Variants in ZYG11B observed in about 807,000 individuals in gnomAD.
The protein encoded by ZYG11B is protein zyg-11 homolog B.
ZYG11B carries 36 observed loss-of-function variants against 82.4 expected under a neutral mutation model. That is an observed-to-expected ratio of 0.44 (90% CI 0.33 to 0.58). ZYG11B has a LOEUF of 0.58. Among genes scored for constraint, ZYG11B ranks in the 20% least tolerant of loss-of-function variants. The pLI, the probability that ZYG11B is intolerant of heterozygous loss-of-function variation, is 0.02. For synonymous variants in ZYG11B, 303 were observed against 312.8 expected, an observed-to-expected ratio of 0.97 and a Z score of 0.33; for missense variants, 552 against 895.6, an observed-to-expected ratio of 0.62 and a Z score of 4.90.
rs1553257981 is a variant in ZYG11B, at chr1:52,745,868, T to TTTTTTG, written c.31-10586_31-10585insTGTTTT. 2.1e-5 allele frequency among the ~76,000 whole-genome samples: 3 copies of TTTTTTG among 142,178 alleles called. No individual in the cohort carries two copies. The East Asian group carries it at 6.4e-4, about 30-fold the overall frequency. 93.3% of individuals were successfully genotyped at this position (142,178 alleles called of 152,430 possible). A position where few individuals can be genotyped will look rare whatever the true frequency, so the allele number is the denominator to read the frequency against. On this transcript the variant is annotated intron_variant, in intron 1 of 13. Coordinates refer to ENST00000294353, the MANE Select transcript of ZYG11B (RefSeq NM_024646.3). The stretch of plus-strand genomic sequence containing the variant: ...TGTGAGCCACTGCATCCAGCTGTTT[T>TTTTTTG]TTTTGTTTTGTTTTGTTTTGACGGA...
In ZYG11B at chr1:52,771,861, A is replaced by G. The variant is rs1644754669; in HGVS notation, c.951+87A>G. On this transcript the variant is annotated intron_variant, in intron 3 of 13. Coordinates refer to ENST00000294353, the MANE Select transcript of ZYG11B (RefSeq NM_024646.3). The surrounding 1 kb of genome is among the most constrained non-coding windows in gnomAD (Gnocchi z 5.4). ...TATTAAAGATGAATGTCTGTAATAT[A>G]TGGAACATGTTCATGAAACAGGGCT... 5 of 1,436,858 alleles carry G rather than the reference A, an allele frequency of 3.5e-6. No individual in the cohort carries two copies. Among genetic ancestry groups the G allele is most frequent in the Non-Finnish European group, 3.8e-6 (4 of 1,062,890 alleles). 89.0% of individuals were successfully genotyped at this position (1,436,858 alleles called of 1,614,324 possible). A position where few individuals can be genotyped will look rare whatever the true frequency, so the allele number is the denominator to read the frequency against.
At position 52,796,361 on chromosome 1, in the gene ZYG11B, A is replaced by C; in HGVS notation, c.1404A>C (p.Ala468=). The C allele has an allele frequency of 6.2e-7, 1 of 1,613,946 alleles. No individual in the cohort carries two copies. Among genetic ancestry groups the C allele is most frequent in the South Asian group, 1.1e-5 (1 of 91,040 alleles). Residue 468 remains alanine, a synonymous_variant, in exon 7 of 14, where the codon GCA becomes GCC. Coordinates refer to ENST00000294353, the MANE Select transcript of ZYG11B (RefSeq NM_024646.3). ...AGGATCAAAACATGCAAAGGATGGC[A>C]GTTGCTATCATTTCTATCCTGGCTG... ...NHEDQNMQRM[A]VAIISILAAK... is the part of the protein sequence containing the mutation.
At chr1:52,735,996 T>C (rs1644375933) in intron 1 of ZYG11B, among the ~76,000 whole-genome samples, 1 of 152,206 alleles carries the variant, frequency 6.6e-6, no homozygotes, top group African/African-American at 2.4e-5. Flanking sequence ...GTCTAACATC[T>C]ATTATGCATT....
At chr1:52,804,530 T>A (rs1448059348) in intron 10 of ZYG11B, among the ~76,000 whole-genome samples, 1 of 151,960 alleles carries the variant, frequency 6.6e-6, no homozygotes, top group East Asian at 1.9e-4. Flanking sequence ...TGAGAATCGC[T>A]TGAACCTGGG....
At chr1:52,769,903 ATGT>A (rs1343744286) in intron 2 of ZYG11B, among the ~76,000 whole-genome samples, 2 of 151,990 alleles carry the variant, frequency 1.3e-5, no homozygotes, top group Non-Finnish European at 2.9e-5. Context: ...TTCACAGTCA[ATGT>A]TGTTTAGTTG....
intron 4 of ZYG11B, among the ~76,000 whole-genome samples, chr1:52,783,049 C>T (rs944396844): frequency 3.9e-5 from 6 of 151,956 alleles, no homozygotes; most frequent in Non-Finnish European, 8.8e-5. Flanking sequence ...GCCTCAGCCT[C>T]CCGAGTAGCT....
At chr1:52,813,822 A>G (rs745442714) in intron 11 of ZYG11B, 38 bp from the exon 12 acceptor site, 3 of 1,613,888 alleles carry the variant, frequency 1.9e-6, no homozygotes, top group Non-Finnish European at 2.5e-6. Flanking sequence ...TGCTAAATAA[A>G]TATTGTAATC....
chr1:52,752,132 G>A (rs1644531529), intron 1 of ZYG11B, among the ~76,000 whole-genome samples: 1 of 152,104 alleles, frequency 6.6e-6, no homozygotes, highest in Non-Finnish European at 1.5e-5. Context: ...TCAGGTAGTA[G>A]GTCTCTGGAT....
chr1:52,820,770 G>A (rs553866), intron 13 of ZYG11B, among the ~76,000 whole-genome samples: 75 of 143,820 alleles, frequency 5.2e-4, no homozygotes, highest in African/African-American at 1.8e-3. Flanking sequence ...TTTAAAAATT[G>A]TATGTGCAGT....
chr1:52,747,400 T>C (rs1376564433), intron 1 of ZYG11B, among the ~76,000 whole-genome samples: 1 of 152,102 alleles, frequency 6.6e-6, no homozygotes, highest in Non-Finnish European at 1.5e-5. Context: ...TCCCAAGTTG[T>C]ATTTTGGCAT....
intron 6 of ZYG11B, among the ~76,000 whole-genome samples, chr1:52,792,374 T>C (rs1052258397): frequency 1.3e-5 from 2 of 152,206 alleles, no homozygotes; most frequent in African/African-American, 2.4e-5. Context: ...GTTATGGCAC[T>C]TGAGATAAAA....
At chr1:52,814,706 C>CACAA (rs1645209588) in intron 12 of ZYG11B, among the ~76,000 whole-genome samples, 1 of 43,424 alleles carries the variant, frequency 2.3e-5, no homozygotes, top group South Asian at 5.6e-4. Context: ...AATGTAAATA[C>CACAA]ACACACACAC....
chr1:52,818,711 G>T (rs1344247656), intron 13 of ZYG11B, among the ~76,000 whole-genome samples: 1 of 151,796 alleles, frequency 6.6e-6, no homozygotes, highest in Non-Finnish European at 1.5e-5. Flanking sequence ...TACTATAAAG[G>T]GCCTTATATA....
At chr1:52,818,040 T>A (rs1645250700) in intron 13 of ZYG11B, among the ~76,000 whole-genome samples, 1 of 148,996 alleles carries the variant, frequency 6.7e-6, no homozygotes, top group South Asian at 2.1e-4. Context: ...GTTTCACCAT[T>A]TTGGCTGGGC....
intron 1 of ZYG11B, among the ~76,000 whole-genome samples, chr1:52,741,313 A>AG (rs1644428631): frequency 1.3e-5 from 2 of 151,092 alleles, no homozygotes; most frequent in African/African-American, 4.9e-5. Flanking sequence ...AAAAAAAAAA[A>AG]AAAAAAGAAA....
intron 3 of ZYG11B, among the ~76,000 whole-genome samples, chr1:52,778,761 T>C (rs1644830446): frequency 6.6e-6 from 1 of 152,182 alleles, no homozygotes; most frequent in East Asian, 1.9e-4. Context: ...AACTACATTT[T>C]AAGATAAGCG....
chr1:52,755,308 T>C (rs796632647), intron 1 of ZYG11B, among the ~76,000 whole-genome samples: 15 of 152,206 alleles, frequency 9.9e-5, no homozygotes, highest in African/African-American at 3.4e-4. Flanking sequence ...CAATATCAAT[T>C]GACCACGAAT....
rs1233083580 is a variant in ZYG11B, at chr1:52,827,229, C to T, written c.*5600C>T. ...GCCAGATGAATGGGAGTATTCTGTA[C>T]ATGAATCATGCTGTATTTTAAATCA... On this transcript the variant is annotated 3_prime_UTR_variant, in exon 14 of 14. Coordinates refer to ENST00000294353, the MANE Select transcript of ZYG11B (RefSeq NM_024646.3). The T allele has an allele frequency of 2.6e-5, 4 of 152,170 alleles. No homozygotes were observed. The highest frequency in any genetic ancestry group is 9.6e-5 in the African/African-American group (4 of 41,454). 9.4% of individuals were successfully genotyped at this position (152,170 alleles called of 1,614,324 possible).
At chr1:52,802,450 A>G (rs1303809742) in intron 10 of ZYG11B, among the ~76,000 whole-genome samples, 1 of 148,300 alleles carries the variant, frequency 6.7e-6, no homozygotes, top group Non-Finnish European at 1.5e-5. Context: ...TGCTGAGCTC[A>G]AGCAGTTCCC....
Sources: gnomAD v4.1 joint callset for allele counts (sites outside exome capture counted in the v4.1 genomes callset) on GRCh38, gnomAD v4.1.1 for gene constraint, Gnocchi (gnomAD v3.1) non-coding constraint, MANE v1.5 for transcripts, NCBI Gene and HGNC (gene_info 2026-07-23, HGNC 2026-07-21) for gene names.